The following AR variants were observed in gnomAD, a reference collection of about 807,000 sequenced individuals.
The protein encoded by AR is dihydrotestosterone receptor.
A neutral mutation model predicts 53.9 loss-of-function variants in AR; 8 were observed. The observed-to-expected ratio is 0.15, with a 90% CI of 0.09 to 0.27. The LOEUF (loss-of-function observed/expected upper bound fraction) is 0.27, where lower values mean the gene tolerates loss of function less well. Ranked by LOEUF, AR falls within the 10% of genes least tolerant of loss-of-function variation. The pLI is 1.00. For synonymous variants in AR, 359 were observed against 316.4 expected (o/e 1.13, Z -1.43); for missense variants, 639 against 742.5 (o/e 0.86, Z 1.62).
intron 2 of AR, among the ~76,000 whole-genome samples, chrX:67,675,579 T>C (rs1032872399): frequency 5.4e-5 from 6 of 111,229 alleles, no homozygotes; most frequent in Admixed American, 9.6e-5. Context: ...CAGGGCAACA[T>C]TGAGTTTCAA....
chrX:67,660,671 G>A (rs1350650557), intron 2 of AR, among the ~76,000 whole-genome samples: 2 of 111,488 alleles, frequency 1.8e-5, no homozygotes. Context: ...CTGTTCTTTT[G>A]GCTTAGGGTT....
At chrX:67,548,925 A>C (rs911330819) in intron 1 of AR, among the ~76,000 whole-genome samples, 1 of 111,308 alleles carries the variant, frequency 9.0e-6, no homozygotes, top group East Asian at 2.8e-4. Context: ...ACTGAATATG[A>C]GGAGTCTAGT....
At chrX:67,643,026 A>G (rs1925866532) in intron 1 of AR, among the ~76,000 whole-genome samples, 1 of 111,958 alleles carries the variant, frequency 8.9e-6, no homozygotes, top group African/African-American at 3.3e-5. Flanking sequence ...GAGATTGGCT[A>G]ATCCCAGAGA....
At chrX:67,650,455 A>G (rs1926282230) in intron 2 of AR, among the ~76,000 whole-genome samples, 1 of 112,169 alleles carries the variant, frequency 8.9e-6, no homozygotes, top group Non-Finnish European at 1.9e-5. Context: ...TGTTGTGAGG[A>G]TAAGAGTTAG....
intron 1 of AR, among the ~76,000 whole-genome samples, chrX:67,634,432 CTTTA>C (rs1925325369): frequency 1.8e-5 from 2 of 111,649 alleles, no homozygotes; most frequent in Non-Finnish European, 3.8e-5. Context: ...CTTGTGGGAT[CTTTA>C]TTTCTTTGCC....
chrX:67,697,601 C>T (rs1190978699), intron 3 of AR, among the ~76,000 whole-genome samples: 2 of 111,482 alleles, frequency 1.8e-5, no homozygotes, highest in African/African-American at 6.5e-5. Context: ...GAGATCCATT[C>T]TTAGAAAAAG....
chrX:67,680,454 G>T (rs1454168023), intron 2 of AR, among the ~76,000 whole-genome samples: 1 of 112,006 alleles, frequency 8.9e-6, no homozygotes, highest in Non-Finnish European at 1.9e-5. Flanking sequence ...TGAAATCCTT[G>T]AAATATTGCT....
At chrX:67,702,035 G>A (rs946812219) in intron 3 of AR, among the ~76,000 whole-genome samples, 32 of 111,426 alleles carry the variant, frequency 2.9e-4, no homozygotes, top group Non-Finnish European at 5.7e-4. Flanking sequence ...GATTCCTTGG[G>A]GAGGCAGTAG....
At chrX:67,691,912 A>G (rs113590093) in intron 3 of AR, among the ~76,000 whole-genome samples, 10,162 of 111,984 alleles carry the variant, frequency 0.091, 367 homozygotes, top group African/African-American at 0.14. Flanking sequence ...CTGCAGGTAC[A>G]TATTCCTGGC....
intron 2 of AR, among the ~76,000 whole-genome samples, chrX:67,678,568 C>T (rs765661348): frequency 9.0e-6 from 1 of 111,652 alleles, no homozygotes; most frequent in South Asian, 3.8e-4. Flanking sequence ...GGTTCATGTG[C>T]ATGTTTGATA....
chrX:67,592,003 T>C (rs1424538290), intron 1 of AR, among the ~76,000 whole-genome samples: 3 of 112,453 alleles, frequency 2.7e-5, no homozygotes, highest in Non-Finnish European at 5.6e-5. Flanking sequence ...ATAATCAAGC[T>C]AAGAGATGCA....
At chrX:67,640,065 A>C (rs1248452315) in intron 1 of AR, among the ~76,000 whole-genome samples, 1 of 111,724 alleles carries the variant, frequency 9.0e-6, no homozygotes, top group Non-Finnish European at 1.9e-5. Flanking sequence ...TTCTGCATCT[A>C]TTGAGATAAT....
chrX:67,652,743 A>C (rs1926404182), intron 2 of AR, among the ~76,000 whole-genome samples: 1 of 111,624 alleles, frequency 9.0e-6, no homozygotes, highest in African/African-American at 3.3e-5. Context: ...CCTGATAGTC[A>C]TCTCTGCCTT....
At chrX:67,633,856 A>T (rs752697822) in intron 1 of AR, among the ~76,000 whole-genome samples, 1 of 112,135 alleles carries the variant, frequency 8.9e-6, no homozygotes, top group Non-Finnish European at 1.9e-5. Flanking sequence ...TGTCCATAAA[A>T]GAAAAATATT....
chrX:67,710,960 T>C (rs959659533), intron 3 of AR, among the ~76,000 whole-genome samples: 6 of 112,607 alleles, frequency 5.3e-5, no homozygotes, highest in African/African-American at 1.9e-4. Flanking sequence ...CTAGAATTGA[T>C]TGTGGCCAGG....
At chrX:67,668,814 A>G (rs1041478079) in intron 2 of AR, among the ~76,000 whole-genome samples, 4 of 110,665 alleles carry the variant, frequency 3.6e-5, no homozygotes, top group Admixed American at 9.7e-5. Context: ...AAATTTATCA[A>G]TTTCTTCTAG....
intron 2 of AR, among the ~76,000 whole-genome samples, chrX:67,679,188 GAT>G (rs2075918419): frequency 1.8e-5 from 2 of 110,952 alleles, no homozygotes; most frequent in African/African-American, 3.3e-5. Flanking sequence ...TTAAAAACTT[GAT>G]TTAGATGAGC....
chrX:67,565,469 C>T (rs1281932974), intron 1 of AR, among the ~76,000 whole-genome samples: 4 of 111,507 alleles, frequency 3.6e-5, no homozygotes, highest in Non-Finnish European at 7.5e-5. Flanking sequence ...GGGAGTGGAA[C>T]GAATGAGCAT....
At chrX:67,626,436 C>CTTTTTTTTTT (rs1233324601) in intron 1 of AR, among the ~76,000 whole-genome samples, 1 of 46,808 alleles carries the variant, frequency 2.1e-5, no homozygotes, top group Non-Finnish European at 3.8e-5. Flanking sequence ...CAGGCTCTCT[C>CTTTTTTTTTT]TTTTTTTTTT....
Sources: gnomAD v4.1 joint callset for allele counts (sites outside exome capture counted in the v4.1 genomes callset) on GRCh38, gnomAD v4.1.1 for gene constraint, MANE v1.5 for transcripts, NCBI Gene and HGNC (gene_info 2026-07-23, HGNC 2026-07-21) for gene names.